Variants in GSE1 observed in about 807,000 individuals in gnomAD.
GSE1 encodes the protein genetic suppressor element 1.
A neutral mutation model predicts 112.6 loss-of-function variants in GSE1; 32 were observed. That is an observed-to-expected ratio of 0.28 (90% CI 0.21 to 0.38). The LOEUF (loss-of-function observed/expected upper bound fraction) is 0.38, where lower values mean the gene tolerates loss of function less well. GSE1 is among the 10% of genes least tolerant of loss of function. The probability of loss-of-function intolerance (pLI) is 1.00; values close to 1 mark genes in which losing one functional copy is unlikely to be tolerated. For missense variants in GSE1, 2,348 were observed against 1,699.2 expected (o/e 1.38, Z -6.71); for synonymous variants, 1,115 against 735.6 (o/e 1.52, Z -8.35).
intron 1 of GSE1, among the ~76,000 whole-genome samples, chr16:85,623,786 A>G (rs1328891446): frequency 6.6e-6 from 1 of 152,180 alleles, no homozygotes; most frequent in African/African-American, 2.4e-5. Context: ...TTCGAAGGCC[A>G]GGTGGCCCTT....
In GSE1 at chr16:85,186,314, TA is replaced by T. The variant is rs142345426; in HGVS notation, c.2283+14513del. Among the ~76,000 whole-genome samples the T allele has an allele frequency of 9.2e-3, 1,402 of 151,876 alleles. 28 individuals are homozygous for T. The highest frequency in any genetic ancestry group is 0.033 in the African/African-American group (1,364 of 41,382). The stretch of plus-strand genomic sequence containing the variant: ...GTGAGACCCCATATGTACAAATAAT[TA>T]AAAAATTGTCCGGGTGCGGTCGCTC... On this transcript the variant is annotated intron_variant, in intron 1 of 2. Coordinates refer to the GSE1 transcript ENST00000637419.
At chr16:85,602,985 A>C (rs1000343341) in intron 1 of GSE1, among the ~76,000 whole-genome samples, 7 of 152,150 alleles carry the variant, frequency 4.6e-5, no homozygotes, top group Admixed American at 3.3e-4. Flanking sequence ...CTGCCATCCC[A>C]TCCCCTCCAG....
intron 4 of GSE1, 110 bp downstream of exon 4, chr16:85,654,560 G>C: frequency 2.0e-6 from 2 of 983,794 alleles, no homozygotes; most frequent in South Asian, 1.6e-5. Context: ...GTGCCTGCTA[G>C]ATGGTTGTCG....
intron 1 of GSE1, among the ~76,000 whole-genome samples, chr16:85,329,981 C>T (rs982405649): frequency 5.2e-4 from 79 of 152,110 alleles, no homozygotes; most frequent in African/African-American, 9.6e-4. Flanking sequence ...TCCCATGCTT[C>T]CTGCTTTATT....
intron 2 of GSE1, among the ~76,000 whole-genome samples, chr16:85,520,782 A>G (rs942894783): frequency 2.0e-5 from 3 of 152,070 alleles, no homozygotes; most frequent in Non-Finnish European, 4.4e-5. Flanking sequence ...ACACACCCAC[A>G]TTCTGTTTTT....
At chr16:85,477,310 A>G (rs1456943944) in intron 2 of GSE1, among the ~76,000 whole-genome samples, 2 of 152,204 alleles carry the variant, frequency 1.3e-5, no homozygotes, top group Admixed American at 6.5e-5. Flanking sequence ...GGAGCTGCTC[A>G]GTGAAGATTC....
At chr16:85,309,191 A>G (rs2045762092) in intron 1 of GSE1, among the ~76,000 whole-genome samples, 1 of 152,110 alleles carries the variant, frequency 6.6e-6, no homozygotes, top group African/African-American at 2.4e-5. Context: ...TAAATGGTCC[A>G]GTAGCCTCAT....
At chr16:85,657,244 T>G (rs2052040176) in intron 7 of GSE1, 33 bp from the exon 8 acceptor site, 36 of 1,454,786 alleles carry the variant, frequency 2.5e-5, no homozygotes, top group Non-Finnish European at 3.1e-5. Flanking sequence ...CCCACGTGGC[T>G]GAGATCCTGC....
chr16:85,275,811 T>C (rs1293274575), intron 1 of GSE1, among the ~76,000 whole-genome samples: 1 of 152,144 alleles, frequency 6.6e-6, no homozygotes, highest in Non-Finnish European at 1.5e-5. Flanking sequence ...GCCCTCGGCC[T>C]GGGAAGGGAA....
chr16:85,492,078 C>A (rs1037192370), intron 2 of GSE1, among the ~76,000 whole-genome samples: 2 of 152,206 alleles, frequency 1.3e-5, no homozygotes, highest in Non-Finnish European at 2.9e-5. Context: ...CTGGCTACCA[C>A]TGGACACGCC....
In GSE1 at chr16:85,373,568, A is replaced by G. The variant is rs2047347120; in HGVS notation, c.2464+15925A>G. On this transcript the variant is annotated intron_variant, in intron 2 of 2. Transcript: ENST00000637419. This position sits in a 1 kb window ranked among gnomAD's most constrained non-coding sequence, Gnocchi z 5.1. The stretch of plus-strand genomic sequence containing the variant: ...GGCTGGGGCACTGTGTATAGCAGGG[A>G]TTCAGTGACCGCATCGCTACTATGT... 6.6e-6 allele frequency among the ~76,000 whole-genome samples: 1 copy of G among 151,986 alleles called. No homozygotes were observed. The highest frequency in any genetic ancestry group is 2.4e-5 in the African/African-American group (1 of 41,344).
At chr16:85,655,562 A>G (rs1391469705) in intron 5 of GSE1, among the ~76,000 whole-genome samples, 164 bp from the exon 6 acceptor site, 1 of 152,166 alleles carries the variant, frequency 6.6e-6, no homozygotes, top group Non-Finnish European at 1.5e-5. Context: ...TCCGGCATCA[A>G]GGGGCTTTGG....
intron 1 of GSE1, among the ~76,000 whole-genome samples, chr16:85,284,178 G>T (rs532265235): frequency 6.6e-6 from 1 of 152,206 alleles, no homozygotes; most frequent in Non-Finnish European, 1.5e-5. Flanking sequence ...TCGGGAGGCC[G>T]GGAGAATTGA....
intron 2 of GSE1, among the ~76,000 whole-genome samples, chr16:85,514,656 G>T (rs1216557943): frequency 6.6e-6 from 1 of 152,200 alleles, no homozygotes; most frequent in Non-Finnish European, 1.5e-5. Flanking sequence ...TTGTCCCTGG[G>T]AAGGGCCTCT....
At chr16:85,393,143 C>T (rs980837428) in intron 2 of GSE1, among the ~76,000 whole-genome samples, 2 of 152,330 alleles carry the variant, frequency 1.3e-5, no homozygotes, top group East Asian at 3.9e-4. Flanking sequence ...GTGGTGCGCA[C>T]TTGTAATCCC....
chr16:85,389,696 C>G (rs1198323241), intron 2 of GSE1, among the ~76,000 whole-genome samples: 1 of 152,198 alleles, frequency 6.6e-6, no homozygotes, highest in Non-Finnish European at 1.5e-5. Flanking sequence ...AAGGTCTTCT[C>G]TTCCATATAC....
chr16:85,424,950 G>A (rs558902161), intron 2 of GSE1, among the ~76,000 whole-genome samples: 1 of 152,270 alleles, frequency 6.6e-6, no homozygotes, highest in South Asian at 2.1e-4. Flanking sequence ...GGCCTCTTCG[G>A]GTTGCAGGCA....
At chr16:85,263,308 G>A (rs1907904567) in intron 1 of GSE1, among the ~76,000 whole-genome samples, 1 of 151,898 alleles carries the variant, frequency 6.6e-6, no homozygotes, top group Admixed American at 6.6e-5. Context: ...ACAATTTTTA[G>A]GGCAGGGATT....
At chr16:85,290,572 C>T (rs550667214) in intron 1 of GSE1, among the ~76,000 whole-genome samples, 1 of 152,280 alleles carries the variant, frequency 6.6e-6, no homozygotes, top group African/African-American at 2.4e-5. Flanking sequence ...GGACCAAGGA[C>T]GCAGACCAAA....
Sources: gnomAD v4.1 joint callset for allele counts (sites outside exome capture counted in the v4.1 genomes callset) on GRCh38, gnomAD v4.1.1 for gene constraint, Gnocchi (gnomAD v3.1) non-coding constraint, MANE v1.5 for transcripts, NCBI Gene and HGNC (gene_info 2026-07-23, HGNC 2026-07-21) for gene names.